Variants in POC1B observed in about 807,000 individuals in gnomAD.
POC1B encodes POC1 centriolar protein homolog B.
A neutral mutation model predicts 60.6 loss-of-function variants in POC1B; 44 were observed. That is an observed-to-expected ratio of 0.73 (90% confidence interval 0.57 to 0.93). The LOEUF (loss-of-function observed/expected upper bound fraction) is 0.93. Among genes scored for constraint, POC1B ranks in the 40% least tolerant of loss-of-function variants. The pLI, the probability that POC1B is intolerant of heterozygous loss-of-function variation, is 0.00. For synonymous variants in POC1B, 180 were observed against 198.9 expected, an observed-to-expected ratio of 0.90 and a Z score of 0.80; for missense variants, 555 against 572.3, an observed-to-expected ratio of 0.97 and a Z score of 0.31.
At chr12:89,435,886 T>C (rs1273001845) in intron 10 of POC1B, among the ~76,000 whole-genome samples, 1 of 151,990 alleles carries the variant, frequency 6.6e-6, no homozygotes, top group Non-Finnish European at 1.5e-5. Context: ...CAAACACGCA[T>C]ATGCATGTGT....
At chr12:89,442,587 A>C (rs1881575056) in intron 10 of POC1B, among the ~76,000 whole-genome samples, 1 of 152,226 alleles carries the variant, frequency 6.6e-6, no homozygotes, top group Non-Finnish European at 1.5e-5. Flanking sequence ...CCTGCCTTAC[A>C]AGAGCTCCTG....
chr12:89,520,219 T>G (rs1338441755), intron 2 of POC1B: 1 of 152,068 alleles, frequency 6.6e-6, no homozygotes, highest in Non-Finnish European at 1.5e-5. Context: ...ACCTAGCAAT[T>G]TAGGGCAAAA....
chr12:89,472,359 C>G (rs1288143797), intron 4 of POC1B, 84 bp from the exon 5 acceptor site: 5 of 872,398 alleles, frequency 5.7e-6, no homozygotes, highest in Non-Finnish European at 9.0e-6. Flanking sequence ...ATAAACCAGG[C>G]TGTAAATATT....
chr12:89,409,236 A>G, the POC1B span, among the ~76,000 whole-genome samples: 1 of 152,158 alleles, frequency 6.6e-6, no homozygotes, highest in Admixed American at 6.5e-5. Flanking sequence ...GTTTTCTTCT[A>G]CGGTTTTTAA....
intron 10 of POC1B, among the ~76,000 whole-genome samples, chr12:89,456,061 C>G (rs1882244828): frequency 6.6e-6 from 1 of 151,650 alleles, no homozygotes; most frequent in Non-Finnish European, 1.5e-5. Context: ...GATGGAGTCT[C>G]CCAGGCTGGA....
intron 2 of POC1B, among the ~76,000 whole-genome samples, chr12:89,498,720 T>C (rs1020180083): frequency 6.6e-6 from 1 of 151,742 alleles, no homozygotes; most frequent in African/African-American, 2.4e-5. Context: ...TATAGCAGAG[T>C]CAGAATTACC....
At chr12:89,414,212 T>G in the POC1B span, among the ~76,000 whole-genome samples, 1 of 152,148 alleles carries the variant, frequency 6.6e-6, no homozygotes. Context: ...TATTCATGTA[T>G]TTTTTGTTTT....
intron 4 of POC1B, among the ~76,000 whole-genome samples, chr12:89,480,686 G>A (rs1317816207): frequency 7.3e-6 from 1 of 136,976 alleles, no homozygotes; most frequent in East Asian, 2.3e-4. Context: ...TGCAGGCTCC[G>A]CCCCCTGGGG....
intron 2 of POC1B, among the ~76,000 whole-genome samples, chr12:89,518,118 C>T (rs888749652): frequency 1.3e-5 from 2 of 150,866 alleles, no homozygotes; most frequent in African/African-American, 2.4e-5. Flanking sequence ...GACACAGCAT[C>T]AGGAGGTCCT....
chr12:89,424,215 T>C (rs1293153850), intron 11 of POC1B, among the ~76,000 whole-genome samples: 1 of 151,922 alleles, frequency 6.6e-6, no homozygotes, highest in South Asian at 2.1e-4. Context: ...TTAGTGGTTT[T>C]CAACACTGGC....
intron 9 of POC1B, among the ~76,000 whole-genome samples, chr12:89,464,483 G>GATTTT (rs1882599093): frequency 1.1e-5 from 1 of 94,722 alleles, no homozygotes; most frequent in South Asian, 4.0e-4. Flanking sequence ...TTTTATAAGA[G>GATTTT]TTTTTTTTTT....
chr12:89,472,446 A>C (rs528009352), intron 4 of POC1B, 171 bp from the exon 5 acceptor site: 361 of 537,988 alleles, frequency 6.7e-4, no homozygotes, highest in Admixed American at 2.2e-3. Context: ...ATGACAAACA[A>C]CACTGACAGA....
At chr12:89,459,610 CAAAAA>C (rs35166321) in intron 10 of POC1B, 23 bp downstream of exon 10, 42 of 882,388 alleles carry the variant, frequency 4.8e-5, no homozygotes, top group South Asian at 1.7e-4. Flanking sequence ...ACTTAAGTGT[CAAAAA>C]AAAAAAAAAA....
intron 2 of POC1B, chr12:89,524,317 C>G: frequency 6.2e-7 from 1 of 1,613,940 alleles, no homozygotes; most frequent in Non-Finnish European, 8.5e-7. Flanking sequence ...GCTGGCTTTC[C>G]CCCACTCCCC....
At chr12:89,477,883 T>C (rs1250230892) in intron 4 of POC1B, among the ~76,000 whole-genome samples, 1 of 152,176 alleles carries the variant, frequency 6.6e-6, no homozygotes, top group Non-Finnish European at 1.5e-5. Flanking sequence ...CTTAGGTCCC[T>C]TGCTCTTGCT....
intron 10 of POC1B, among the ~76,000 whole-genome samples, chr12:89,431,290 C>T (rs1881018004): frequency 6.6e-6 from 1 of 152,022 alleles, no homozygotes; most frequent in Admixed American, 6.6e-5. Context: ...AAAGTGTTTC[C>T]CATTATTGAA....
chr12:89,465,062 G>A (rs11105294), intron 9 of POC1B, among the ~76,000 whole-genome samples: 43,030 of 151,918 alleles, frequency 0.28, 6,561 homozygotes, highest in Non-Finnish European at 0.35. Flanking sequence ...CTAATTCCAC[G>A]ATGAAGAAAA....
intron 1 of POC1B, chr12:89,525,524 G>T: frequency 7.6e-7 from 1 of 1,307,970 alleles, no homozygotes; most frequent in Non-Finnish European, 9.7e-7. Context: ...AGGCAGGCAG[G>T]TGCGAGGATG....
At chr12:89,469,733 A>C (rs978929695) in intron 7 of POC1B, among the ~76,000 whole-genome samples, 16 of 152,196 alleles carry the variant, frequency 1.1e-4, no homozygotes, top group Non-Finnish European at 2.1e-4. Context: ...TGAAGTATGG[A>C]ATCTACTTAC....
Sources: gnomAD v4.1 joint callset for allele counts (sites outside exome capture counted in the v4.1 genomes callset) on GRCh38, gnomAD v4.1.1 for gene constraint, MANE v1.5 for transcripts, NCBI Gene and HGNC (gene_info 2026-07-23, HGNC 2026-07-21) for gene names.